The following NBEA variants were observed in gnomAD, a reference collection of about 807,000 sequenced individuals.
NBEA encodes the protein lysosomal-trafficking regulator 2.
NBEA carries 44 observed loss-of-function variants against 343.4 expected under a neutral mutation model. That is an observed-to-expected ratio of 0.13 (90% CI 0.10 to 0.16). The LOEUF is 0.16. Ranked by LOEUF, NBEA falls within the 10% of genes least tolerant of loss-of-function variation. The pLI is 1.00. For missense variants in NBEA, 2,555 were observed against 3,631.3 expected (o/e 0.70, Z 7.62); for synonymous variants, 1,175 against 1,238.7 (o/e 0.95, Z 1.08).
chr13:35,587,129 G>A (rs548988863), intron 46 of NBEA, among the ~76,000 whole-genome samples: 10 of 152,064 alleles, frequency 6.6e-5, no homozygotes, highest in South Asian at 2.1e-4. Context: ...TTAGCTGTGC[G>A]GAAACCAGAA....
chr13:35,118,527 C>A, intron 16 of NBEA, 53 bp downstream of exon 16: 1 of 1,302,892 alleles, frequency 7.7e-7, no homozygotes, highest in Non-Finnish European at 1.1e-6. Flanking sequence ...CACAGTTGTT[C>A]CTCCTAGAAT....
intron 44 of NBEA, among the ~76,000 whole-genome samples, chr13:35,560,273 C>T (rs1303555872): frequency 6.6e-6 from 1 of 152,230 alleles, no homozygotes; most frequent in Admixed American, 6.5e-5. Context: ...TACCATACAA[C>T]TTCACCTCCA....
intron 10 of NBEA, among the ~76,000 whole-genome samples, chr13:35,092,688 AGC>A (rs1163849320): frequency 6.6e-6 from 1 of 152,086 alleles, no homozygotes; most frequent in Non-Finnish European, 1.5e-5. Flanking sequence ...AATAAAAAAT[AGC>A]TGTTGTGCTA....
chr13:35,585,712 T>C (rs867884674), intron 46 of NBEA, among the ~76,000 whole-genome samples: 2 of 152,054 alleles, frequency 1.3e-5, no homozygotes, highest in South Asian at 4.1e-4. Flanking sequence ...TTTCAATAAA[T>C]GAACTCCTCA....
chr13:35,297,613 C>T (rs1335024067), intron 35 of NBEA, among the ~76,000 whole-genome samples: 1 of 151,932 alleles, frequency 6.6e-6, no homozygotes, highest in Non-Finnish European at 1.5e-5. Context: ...TTCGTGAAGT[C>T]ACTTTATGGA....
chr13:35,612,164 G>A (rs9544808), intron 48 of NBEA, among the ~76,000 whole-genome samples: 33,791 of 149,384 alleles, frequency 0.23, 4,018 homozygotes, highest in Non-Finnish European at 0.24. Context: ...ACAGAGTCTC[G>A]CTCTGTCGCC....
chr13:35,500,586 A>T (rs2076846506), intron 41 of NBEA, among the ~76,000 whole-genome samples: 2 of 152,018 alleles, frequency 1.3e-5, no homozygotes, highest in South Asian at 2.1e-4. Flanking sequence ...CTCTTCTGGT[A>T]GTCTGTTGTG....
rs745865450 is a variant in NBEA, at chr13:35,182,465, A to G, written c.4768A>G (p.Thr1590Ala). 6.8e-6 allele frequency: 11 copies of G among 1,610,654 alleles called. No homozygotes were observed. The highest frequency in any genetic ancestry group is 6.7e-5 in the Admixed American group (4 of 59,680). Reference sequence around the variant, plus strand: ...CATATTAGAACCCCAGAGAGAGACTACAAGAACTGGAAGCCAACCAGGTAG... The same window carrying G: ...CATATTAGAACCCCAGAGAGAGACTGCAAGAACTGGAAGCCAACCAGGTAG... ...RDILEPQRET[T>A]RTGSQPGRNI... Residue 1590 changes from threonine (T) to alanine (A), a missense_variant, in exon 29 of 59, where the codon ACA becomes GCA. Transcript: ENST00000379939.
In NBEA at chr13:35,081,621, G is replaced by A. The variant is rs571055323; in HGVS notation, c.1571+10769G>A. 4.0e-5 allele frequency among the ~76,000 whole-genome samples: 6 copies of A among 151,860 alleles called. No homozygotes were observed. In the East Asian group the frequency reaches 1.2e-3, roughly 29 times the overall value. Reference sequence around the variant, plus strand: ...AGGCATTTGAGAAAACAGTTTGGAGGATATTAACAATGTTTGTTTGCATAA... The same window carrying A: ...AGGCATTTGAGAAAACAGTTTGGAGAATATTAACAATGTTTGTTTGCATAA... On this transcript the variant is annotated intron_variant, in intron 10 of 58. Coordinates refer to ENST00000379939, the MANE Select transcript of NBEA (RefSeq NM_001385012.1).
intron 34 of NBEA, among the ~76,000 whole-genome samples, chr13:35,235,676 G>C (rs940330037): frequency 6.6e-6 from 1 of 152,186 alleles, no homozygotes; most frequent in East Asian, 1.9e-4. Context: ...ACCCCTGTGT[G>C]TAGTTATTTC....
chr13:35,039,369 G>C (rs1201991146), intron 1 of NBEA, among the ~76,000 whole-genome samples: 1 of 152,168 alleles, frequency 6.6e-6, no homozygotes, highest in Admixed American at 6.5e-5. Context: ...TTTTTTCTGT[G>C]TAGTTGTTTG....
At chr13:35,130,617 T>A (rs1457228070) in intron 17 of NBEA, among the ~76,000 whole-genome samples, 2 of 152,020 alleles carry the variant, frequency 1.3e-5, no homozygotes, top group Admixed American at 1.3e-4. Context: ...TTTACAAATT[T>A]TAACATATTT....
At chr13:35,281,048 C>T (rs1259418911) in intron 34 of NBEA, among the ~76,000 whole-genome samples, 1 of 152,012 alleles carries the variant, frequency 6.6e-6, no homozygotes, top group African/African-American at 2.4e-5. Context: ...CTTAAGATCT[C>T]ACCATGAATT....
At chr13:35,250,563 A>T (rs2031835506) in intron 34 of NBEA, among the ~76,000 whole-genome samples, 1 of 152,196 alleles carries the variant, frequency 6.6e-6, no homozygotes, top group South Asian at 2.1e-4. Flanking sequence ...TTCTAGTGGG[A>T]GTCTAAATTG....
At chr13:35,305,671 A>G (rs2036842691) in intron 35 of NBEA, among the ~76,000 whole-genome samples, 1 of 152,160 alleles carries the variant, frequency 6.6e-6, no homozygotes, top group Admixed American at 6.5e-5. Context: ...GATGCCAATG[A>G]TGATGTAGAG....
At chr13:35,057,163 CATACCTGGTTTT>C (rs2063299507) in intron 7 of NBEA, among the ~76,000 whole-genome samples, 1 of 152,150 alleles carries the variant, frequency 6.6e-6, no homozygotes, top group African/African-American at 2.4e-5. Context: ...ACCCTTCAAG[CATACCTGGTTTT>C]ATAAGAACTT....
At chr13:35,270,396 A>G (rs1243611469) in intron 34 of NBEA, among the ~76,000 whole-genome samples, 1 of 152,246 alleles carries the variant, frequency 6.6e-6, no homozygotes, top group Non-Finnish European at 1.5e-5. Context: ...TTTGGTCTAC[A>G]GGTCCCAGCA....
chr13:35,095,375 G>A (rs2065281742), intron 10 of NBEA, among the ~76,000 whole-genome samples: 1 of 151,012 alleles, frequency 6.6e-6, no homozygotes, highest in Non-Finnish European at 1.5e-5. Context: ...ATATTCTCAG[G>A]TATTTGTGGG....
At chr13:35,662,570 C>T (rs190805578) in intron 55 of NBEA, among the ~76,000 whole-genome samples, 4 of 152,230 alleles carry the variant, frequency 2.6e-5, no homozygotes, top group Admixed American at 2.6e-4. Context: ...ATTTGCCTTT[C>T]ACTTAAAGAA....
Sources: allele counts gnomAD v4.1 joint callset (sites outside exome capture counted in the v4.1 genomes callset), GRCh38; gene constraint gnomAD v4.1.1; transcripts MANE v1.5; gene names NCBI Gene and HGNC (gene_info 2026-07-23, HGNC 2026-07-21).